The following DGKB variants were observed in gnomAD, a reference collection of about 807,000 sequenced individuals.
DGKB encodes 90 kDa diacylglycerol kinase.
DGKB carries 67 observed loss-of-function variants against 114.3 expected under a neutral mutation model. That is an observed-to-expected ratio of 0.59 (90% confidence interval 0.48 to 0.72). DGKB has a LOEUF of 0.72. Ranked by LOEUF, DGKB falls within the 30% of genes least tolerant of loss-of-function variation. DGKB has a pLI of 0.00. For missense variants in DGKB, 907 were observed against 975.2 expected (o/e 0.93, Z 0.93); for synonymous variants, 398 against 323.1 (o/e 1.23, Z -2.49).
At chr7:14,844,621 C>T (rs4721380) in intron 1 of DGKB, among the ~76,000 whole-genome samples, 48,364 of 152,000 alleles carry the variant, frequency 0.32, 9,960 homozygotes, top group Non-Finnish European at 0.45. Context: ...CTTCTTAACT[C>T]GCTCCCTGAG....
At chr7:14,885,200 T>A (rs1854844335) in intron 1 of DGKB, among the ~76,000 whole-genome samples, 1 of 151,962 alleles carries the variant, frequency 6.6e-6, no homozygotes, top group South Asian at 2.1e-4. Context: ...TATCTACATG[T>A]AACTGAAGGG....
At chr7:14,481,912 G>A (rs1361709596) in intron 20 of DGKB, among the ~76,000 whole-genome samples, 1 of 151,924 alleles carries the variant, frequency 6.6e-6, no homozygotes, top group Non-Finnish European at 1.5e-5. Flanking sequence ...AATTTTAAGT[G>A]TATACTTCAA....
At chr7:14,813,764 C>T (rs924913225) in intron 2 of DGKB, among the ~76,000 whole-genome samples, 1 of 151,962 alleles carries the variant, frequency 6.6e-6, no homozygotes, top group East Asian at 1.9e-4. Context: ...ATCTTTTACT[C>T]TAGTGATTTT....
intron 1 of DGKB, among the ~76,000 whole-genome samples, chr7:14,914,795 G>A (rs1481950295): frequency 6.6e-6 from 1 of 151,762 alleles, no homozygotes; most frequent in African/African-American, 2.4e-5. Flanking sequence ...AATGTAAACA[G>A]AGAGAAGACT....
intron 21 of DGKB, among the ~76,000 whole-genome samples, chr7:14,450,169 T>A (rs1831275609): frequency 6.6e-6 from 1 of 152,094 alleles, no homozygotes; most frequent in Non-Finnish European, 1.5e-5. Context: ...TTTTTGAAAT[T>A]GTAAGTCCAT....
chr7:14,512,250 A>G (rs969771697), intron 20 of DGKB, among the ~76,000 whole-genome samples: 5 of 152,238 alleles, frequency 3.3e-5, no homozygotes, highest in African/African-American at 1.2e-4. Flanking sequence ...TTTGCAAAAC[A>G]TGAAACACAA....
intron 1 of DGKB, among the ~76,000 whole-genome samples, chr7:14,848,797 A>C (rs967842192): frequency 1.3e-5 from 2 of 152,146 alleles, no homozygotes; most frequent in Non-Finnish European, 2.9e-5. Context: ...GAGACCCCTT[A>C]AATGGTCCAT....
chr7:14,251,709 G>A (rs1343572539), intron 23 of DGKB, among the ~76,000 whole-genome samples: 4 of 152,116 alleles, frequency 2.6e-5, no homozygotes, highest in East Asian at 3.9e-4. Context: ...CCTAGCTTTC[G>A]TTTGTCTGGG....
At chr7:14,947,300 A>C (rs1021014069) in intron 1 of DGKB, among the ~76,000 whole-genome samples, 3 of 151,648 alleles carry the variant, frequency 2.0e-5, no homozygotes, top group Non-Finnish European at 4.4e-5. Flanking sequence ...TGTAAAACAA[A>C]CTTCTTTATA....
intron 1 of DGKB, among the ~76,000 whole-genome samples, chr7:14,932,577 G>A (rs1587407128): frequency 6.6e-6 from 1 of 152,064 alleles, no homozygotes. Flanking sequence ...CCACCCCTAT[G>A]GGCAAAATAT....
chr7:14,467,127 A>G lies in DGKB; in HGVS notation c.1835+11034T>C, dbSNP rs28624936. 5.3e-3 allele frequency among the ~76,000 whole-genome samples: 805 copies of G among 151,124 alleles called. 3 individuals are homozygous for G. Among genetic ancestry groups the G allele is most frequent in the African/African-American group, 0.018 (759 of 41,390 alleles). Reference sequence around the variant, plus strand: ...CTTAATGAGTTTTTGTATGTTATGTATATAACTATTATATGTTTATATAAG... The same window carrying G: ...CTTAATGAGTTTTTGTATGTTATGTGTATAACTATTATATGTTTATATAAG... On this transcript the variant is annotated intron_variant, in intron 21 of 25. Coordinates refer to ENST00000402815, the MANE Select transcript of DGKB (RefSeq NM_001350709.2).
At chr7:14,345,180 T>C in intron 22 of DGKB, 121 bp downstream of exon 22, 1 of 580,006 alleles carries the variant, frequency 1.7e-6, no homozygotes, top group Non-Finnish European at 3.0e-6. Flanking sequence ...TTTAAAATCT[T>C]GAGTAAGTCT....
intron 23 of DGKB, among the ~76,000 whole-genome samples, chr7:14,225,225 A>G (rs1211161014): frequency 6.6e-6 from 1 of 152,078 alleles, no homozygotes; most frequent in Non-Finnish European, 1.5e-5. Flanking sequence ...TCCCTTCGCA[A>G]AACCTCTGAC....
At chr7:14,689,199 A>ATTTTTTTTATTTTTTTTTTTTTT (rs1554599100) in intron 9 of DGKB, among the ~76,000 whole-genome samples, 1 of 76,572 alleles carries the variant, frequency 1.3e-5, no homozygotes, top group South Asian at 5.6e-4. Flanking sequence ...AACTCCTCTT[A>ATTTTTTTTATTTTTTTTTTTTTT]TTTTTTTTTT....
At chr7:14,544,538 T>C (rs1793980378) in intron 20 of DGKB, among the ~76,000 whole-genome samples, 1 of 152,202 alleles carries the variant, frequency 6.6e-6, no homozygotes, top group Non-Finnish European at 1.5e-5. Flanking sequence ...TTTTTGTATA[T>C]AAAAATGTCA....
upstream of DGKB, among the ~76,000 whole-genome samples, chr7:14,908,068 T>C: frequency 6.6e-6 from 1 of 152,218 alleles, no homozygotes; most frequent in East Asian, 1.9e-4. Flanking sequence ...GCTGTCTCAG[T>C]GATGGATGTG....
At chr7:14,917,103 T>C (rs1321829948) in intron 1 of DGKB, among the ~76,000 whole-genome samples, 1 of 151,996 alleles carries the variant, frequency 6.6e-6, no homozygotes, top group African/African-American at 2.4e-5. Context: ...AAACAATACT[T>C]ATGTCAAAAT....
At chr7:14,249,984 T>G (rs915560093) in intron 23 of DGKB, among the ~76,000 whole-genome samples, 1 of 151,904 alleles carries the variant, frequency 6.6e-6, no homozygotes, top group African/African-American at 2.4e-5. Context: ...TGAGAGAGTC[T>G]TGTTACATTA....
intron 1 of DGKB, among the ~76,000 whole-genome samples, chr7:14,955,061 C>T (rs1786420272): frequency 6.6e-6 from 1 of 151,894 alleles, no homozygotes; most frequent in Non-Finnish European, 1.5e-5. Context: ...TCCCAGCTGA[C>T]TGTAGGGTTG....
Sources: allele counts gnomAD v4.1 joint callset (sites outside exome capture counted in the v4.1 genomes callset), GRCh38; gene constraint gnomAD v4.1.1; transcripts MANE v1.5; gene names NCBI Gene and HGNC (gene_info 2026-07-23, HGNC 2026-07-21).